The following DKK4 variants were observed in gnomAD, a reference collection of about 807,000 sequenced individuals.
DKK4 encodes dickkopf-related protein 4.
DKK4 carries 15 observed loss-of-function variants against 14.5 expected under a neutral mutation model. The observed-to-expected ratio is 1.03, with a 90% CI of 0.69 to 1.59. DKK4 has a LOEUF of 1.59. DKK4 is among the 40% of genes most tolerant of loss of function. DKK4 has a pLI of 0.00. For missense variants in DKK4, 272 were observed against 280.3 expected (o/e 0.97, Z 0.21); for synonymous variants, 89 against 105.2 (o/e 0.85, Z 0.94).
chr8:42,374,570 G>A (rs1824520852), intron 3 of DKK4, among the ~76,000 whole-genome samples, 191 bp downstream of exon 3: 2 of 152,142 alleles, frequency 1.3e-5, no homozygotes, highest in South Asian at 4.1e-4. Context: ...CGTTGTTACT[G>A]GCTGCAGACT....
At chr8:42,380,475 G>T (rs180740804), upstream of DKK4, among the ~76,000 whole-genome samples, 54 of 141,156 alleles carry the variant, frequency 3.8e-4, no homozygotes, top group East Asian at 0.01. Flanking sequence ...GAGAGAGGGA[G>T]GGAGGGGGAG....
upstream of DKK4, among the ~76,000 whole-genome samples, chr8:42,378,246 G>A (rs1824598458): frequency 6.6e-6 from 1 of 152,134 alleles, no homozygotes; most frequent in Non-Finnish European, 1.5e-5. Context: ...TTAGCATAGA[G>A]TCATCTAAAA....
At chr8:42,390,623 A>G in the DKK4 span, among the ~76,000 whole-genome samples, 3 of 151,862 alleles carry the variant, frequency 2.0e-5, no homozygotes, top group Admixed American at 1.3e-4. Context: ...TCTGCCTCCC[A>G]AAGTGCTGGG....
intron 1 of DKK4, 87 bp from the exon 2 acceptor site, chr8:42,375,917 G>A: frequency 2.0e-6 from 3 of 1,513,728 alleles, no homozygotes; most frequent in South Asian, 1.3e-5. Flanking sequence ...GGCGGAGGGA[G>A]CCAAAGGACA....
At chr8:42,376,034 C>CT (rs1563414603) in intron 1 of DKK4, among the ~76,000 whole-genome samples, 1 of 152,194 alleles carries the variant, frequency 6.6e-6, no homozygotes, top group Non-Finnish European at 1.5e-5. Context: ...GCTGCAAAGG[C>CT]TATTTGAGTT....
At chr8:42,379,487 A>G (rs1352887330), upstream of DKK4, among the ~76,000 whole-genome samples, 1 of 150,004 alleles carries the variant, frequency 6.7e-6, no homozygotes, top group Non-Finnish European at 1.5e-5. Context: ...ACAGAGAGAG[A>G]GAGAGATCCA....
At chr8:42,383,533 C>A in the DKK4 span, among the ~76,000 whole-genome samples, 16 of 152,256 alleles carry the variant, frequency 1.1e-4, no homozygotes, top group Non-Finnish European at 1.6e-4. Flanking sequence ...CCCTTTCCAG[C>A]AGCAACAGCC....
the DKK4 span, among the ~76,000 whole-genome samples, chr8:42,384,767 A>C: frequency 6.6e-6 from 1 of 152,132 alleles, no homozygotes; most frequent in Non-Finnish European, 1.5e-5. Context: ...CTGGGATCTG[A>C]ACACAAGAAT....
upstream of DKK4, among the ~76,000 whole-genome samples, chr8:42,378,354 T>C (rs1466355623): frequency 6.6e-6 from 1 of 152,220 alleles, no homozygotes; most frequent in East Asian, 1.9e-4. Context: ...CTCAGCATTC[T>C]GTGCATGGGA....
chr8:42,382,233 T>C, the DKK4 span, among the ~76,000 whole-genome samples: 6 of 152,180 alleles, frequency 3.9e-5, no homozygotes, highest in African/African-American at 1.4e-4. Flanking sequence ...AGTAGGTATG[T>C]GAAGTAGTTT....
At chr8:42,386,637 C>T in the DKK4 span, among the ~76,000 whole-genome samples, 4 of 152,104 alleles carry the variant, frequency 2.6e-5, no homozygotes, top group Non-Finnish European at 4.4e-5. Context: ...CACAGACGTG[C>T]GCCACCAACC....
upstream of DKK4, among the ~76,000 whole-genome samples, chr8:42,381,377 A>G (rs1395392168): frequency 1.3e-5 from 2 of 152,142 alleles, no homozygotes; most frequent in African/African-American, 4.8e-5. Context: ...TCTACTGTGG[A>G]GATATAAGAG....
chr8:42,383,544 T>C, the DKK4 span, among the ~76,000 whole-genome samples: 4 of 152,258 alleles, frequency 2.6e-5, no homozygotes, highest in Non-Finnish European at 5.9e-5. Flanking sequence ...AGCAACAGCC[T>C]TGGAGTTGTC....
At chr8:42,374,510 C>G in intron 3 of DKK4, 151 bp from the exon 4 acceptor site, 1 of 1,161,508 alleles carries the variant, frequency 8.6e-7, no homozygotes, top group East Asian at 2.4e-5. Flanking sequence ...AGGTGTTACG[C>G]TAAAAGCAGT....
chr8:42,379,385 A>ATATG (rs1824627826), upstream of DKK4, among the ~76,000 whole-genome samples: 1 of 36,550 alleles, frequency 2.7e-5, no homozygotes, highest in African/African-American at 1.4e-4. Flanking sequence ...ATATAGAGAG[A>ATATG]GAGAGAGAGA....
upstream of DKK4, among the ~76,000 whole-genome samples, chr8:42,381,343 G>A (rs955253535): frequency 6.6e-6 from 1 of 152,150 alleles, no homozygotes; most frequent in Non-Finnish European, 1.5e-5. Context: ...AAAGCTGTCC[G>A]CACAATCAAC....
chr8:42,383,321 TATA>T, the DKK4 span, among the ~76,000 whole-genome samples: 38 of 152,312 alleles, frequency 2.5e-4, no homozygotes, highest in African/African-American at 8.4e-4. Context: ...TTGCAGACGG[TATA>T]GCCTCTGGCA....
intron 1 of DKK4, 26 bp downstream of exon 1, chr8:42,376,909 C>T (rs1277891824): frequency 1.9e-6 from 3 of 1,594,862 alleles, no homozygotes; most frequent in African/African-American, 2.7e-5. Context: ...AGTCCCGTAC[C>T]TCGCCCCCCT....
chr8:42,387,380 G>A, the DKK4 span, among the ~76,000 whole-genome samples: 5 of 91,956 alleles, frequency 5.4e-5, no homozygotes, highest in Non-Finnish European at 8.5e-5. Flanking sequence ...TTTTTGAGAT[G>A]GAGTTTCACT....
Sources: allele counts gnomAD v4.1 joint callset (sites outside exome capture counted in the v4.1 genomes callset), GRCh38; gene constraint gnomAD v4.1.1; transcripts MANE v1.5; gene names NCBI Gene and HGNC (gene_info 2026-07-23, HGNC 2026-07-21).